The following RNF31 variants were observed in gnomAD, a reference collection of about 807,000 sequenced individuals.
The protein encoded by RNF31 is E3 ubiquitin-protein ligase RNF31.
Under a neutral mutation model 133.6 loss-of-function variants are expected in RNF31, and 38 were observed. That is an observed-to-expected ratio of 0.28 (90% CI 0.22 to 0.37). The LOEUF is 0.37. Ranked by LOEUF, RNF31 falls within the 10% of genes least tolerant of loss-of-function variation. The pLI is 1.00. For missense variants in RNF31, 1,118 were observed against 1,394.1 expected (o/e 0.80, Z 3.15); for synonymous variants, 582 against 552.3 (o/e 1.05, Z -0.75).
intron 18 of RNF31, among the ~76,000 whole-genome samples, chr14:24,159,217 G>T (rs1479976579): frequency 1.3e-5 from 2 of 151,316 alleles, no homozygotes; most frequent in Non-Finnish European, 2.9e-5. Flanking sequence ...TGTGGTGGCA[G>T]GCACCTGTAA....
intron 11 of RNF31, 86 bp downstream of exon 11, chr14:24,152,078 G>GTCTTCTGC: frequency 7.3e-7 from 1 of 1,372,576 alleles, no homozygotes; most frequent in Non-Finnish European, 9.9e-7. Context: ...CTCTGATCCT[G>GTCTTCTGC]TCTTCTGCTC....
Position 24,155,362 on chromosome 14 carries a change from T to C in RNF31, c.2304+32T>C. On this transcript the variant is annotated intron_variant, in intron 12 of 20. Coordinates refer to ENST00000324103, the MANE Select transcript of RNF31 (RefSeq NM_017999.5). The surrounding 1 kb of genome is among the most constrained non-coding windows in gnomAD (Gnocchi z 4.9). ...CAGCCCCTCTAGGACTCAGGTACCC[T>C]GAGCTTTGAACAGGGACCCTCCCAC... 6.2e-7 allele frequency: 1 copy of C among 1,613,676 alleles called. No individual in the cohort carries two copies.
chr14:24,147,690 T>G lies in RNF31; in HGVS notation c.-9T>G. ...GGGCGGCGAGGCTGGGGCTGACTCC[T>G]GCCTCAGGATGCCGGGGGAGGAAGA... On this transcript the variant is annotated 5_prime_UTR_variant, in exon 1 of 21. Coordinates refer to ENST00000324103, the MANE Select transcript of RNF31 (RefSeq NM_017999.5). The G allele has an allele frequency of 6.7e-7, 1 of 1,488,336 alleles. No homozygotes were observed. The highest frequency in any genetic ancestry group is 8.9e-7 in the Non-Finnish European group (1 of 1,124,778). 92.2% of individuals were successfully genotyped at this position (1,488,336 alleles called of 1,614,324 possible).
In RNF31 at chr14:24,160,491, A is replaced by C; in HGVS notation, c.3166-29A>C. Reference sequence around the variant, plus strand: ...ACTGTGTCTGAGCTCCAGGCTTCCAATATCATTACCTTCTCTCTCCTTCTG... The same window carrying C: ...ACTGTGTCTGAGCTCCAGGCTTCCACTATCATTACCTTCTCTCTCCTTCTG... On this transcript the variant is annotated intron_variant, in intron 20 of 20. Transcript: ENST00000324103. The surrounding 1 kb of genome is among the most constrained non-coding windows in gnomAD (Gnocchi z 4.0). 1 of 1,567,720 alleles carries C rather than the reference A, an allele frequency of 6.4e-7. No homozygotes were observed. The highest frequency in any genetic ancestry group is 1.4e-5 in the African/African-American group (1 of 73,536).
chr14:24,157,334 C>G lies in RNF31; in HGVS notation c.2538C>G (p.Asn846Lys), dbSNP rs963311087. The change falls in exon 15 of 21, where the codon AAC becomes AAG. Residue 846 changes from asparagine to lysine, a missense_variant. Asn to Lys is a moderately conservative substitution (Grantham distance 94, BLOSUM62 0). Coordinates refer to ENST00000324103, the MANE Select transcript of RNF31 (RefSeq NM_017999.5). ...HRGRSCEDFQ[N>K]WKRMNDPEYQ... is the part of the protein sequence containing the mutation. ...GTCGGAGCTGTGAGGACTTCCAGAA[C>G]TGGAAACGCATGAACGACCCAGAAT... is the stretch of plus-strand genomic sequence containing the variant. 6.2e-7 allele frequency: 1 copy of G among 1,612,704 alleles called. No individual in the cohort carries two copies. Among genetic ancestry groups the G allele is most frequent in the Non-Finnish European group, 8.5e-7 (1 of 1,178,882 alleles).
At chr14:24,146,949 G>A (rs115031740), upstream of RNF31, 3,187 of 299,520 alleles carry the variant, frequency 0.011, 89 homozygotes, top group African/African-American at 0.064. Context: ...ATTCAGTGGC[G>A]GGGCTCCCCC....
In RNF31 at chr14:24,150,745, G is replaced by T; in HGVS notation, c.1345G>T (p.Ala449Ser). The T allele has an allele frequency of 6.2e-7, 1 of 1,611,978 alleles. No homozygotes were observed. The highest frequency in any genetic ancestry group is 1.7e-5 in the Admixed American group (1 of 59,824). Reference protein sequence around the residue: ...IPAQHAPRPYASSLEKGPPKP... With the variant: ...IPAQHAPRPYSSSLEKGPPKP... Reference sequence around the variant, plus strand: ...AGCACAACATGCCCCCCGGCCCTATGCCAGCTCTTTGGAAAAGGGACCCCC... The same window carrying T: ...AGCACAACATGCCCCCCGGCCCTATTCCAGCTCTTTGGAAAAGGGACCCCC... The change falls in exon 8 of 21, where the codon GCC becomes TCC. Residue 449 changes from alanine (A) to serine (S), a missense_variant. Transcript: ENST00000324103.
intron 14 of RNF31, among the ~76,000 whole-genome samples, chr14:24,156,420 C>T (rs1353555090): frequency 2.0e-5 from 3 of 152,234 alleles, no homozygotes; most frequent in Non-Finnish European, 4.4e-5. Flanking sequence ...TCCCTCGCCT[C>T]AGCCTTCCAA....
chr14:24,157,865 C>T (rs1327282982), intron 16 of RNF31, 33 bp from the exon 17 acceptor site: 1 of 1,585,378 alleles, frequency 6.3e-7, no homozygotes, highest in Non-Finnish European at 8.7e-7. Flanking sequence ...CAACAGTCTC[C>T]AACTTCCTCT....
In RNF31 at chr14:24,147,645, T is replaced by C. The variant is rs1409042792; in HGVS notation, c.-54T>C. 30 of 1,348,580 alleles carry C rather than the reference T, an allele frequency of 2.2e-5. No individual in the cohort carries two copies. The highest frequency in any genetic ancestry group is 2.8e-5 in the Non-Finnish European group (30 of 1,053,070). 83.5% of individuals were successfully genotyped at this position (1,348,580 alleles called of 1,614,324 possible). On this transcript the variant is annotated 5_prime_UTR_variant, in exon 1 of 21. Transcript: ENST00000324103. ...GAGGGGCGGCGCTCGGGCCGCGCGC[T>C]GCCCGCGCCGGGTCCTGGCGGGCGG...
At chr14:24,154,018 C>T (rs987923625) in intron 11 of RNF31, among the ~76,000 whole-genome samples, 4 of 151,966 alleles carry the variant, frequency 2.6e-5, no homozygotes, top group Non-Finnish European at 4.4e-5. Context: ...TTTTTTGAGA[C>T]GGAGTCTCGC....
At position 24,155,178 on chromosome 14, in the gene RNF31, G is replaced by A; in HGVS notation, c.2152G>A (p.Glu718Lys). Residue 718 changes from glutamate to lysine, a missense_variant, in exon 12 of 21, where the codon GAG becomes AAG. Transcript: ENST00000324103. This position sits in a 1 kb window ranked among gnomAD's most constrained non-coding sequence, Gnocchi z 4.9. ...CCAGATGCAGGCCCTGACTTCCTGT[G>A]AGTGCACCATCTGTCCTGACTGCTT... Reference protein sequence around the residue: ...HNRMQALTSCECTICPDCFRQ... With the variant: ...HNRMQALTSCKCTICPDCFRQ... 1 of 1,614,004 alleles carries A rather than the reference G, an allele frequency of 6.2e-7. No individual in the cohort carries two copies. The highest frequency in any genetic ancestry group is 1.6e-4 in the Middle Eastern group (1 of 6,062).
intron 14 of RNF31, among the ~76,000 whole-genome samples, chr14:24,156,760 C>T (rs1555348197): frequency 6.7e-6 from 1 of 150,174 alleles, no homozygotes; most frequent in Non-Finnish European, 1.5e-5. Context: ...GCCTGGGTGA[C>T]AGAGCGAGAC....
rs768682849 is a variant in RNF31, at chr14:24,147,804, C to T, written c.106C>T (p.Pro36Ser). 1 of 1,599,742 alleles carries T rather than the reference C, an allele frequency of 6.3e-7. No individual in the cohort carries two copies. ...GQAFSLEQLR[P>S]LLASSLPLAA... The stretch of plus-strand genomic sequence containing the variant: ...GGCGTTTTCCCTGGAGCAGCTCCGG[C>T]CGCTACTAGCCAGCTCTCTGCCGCT... Residue 36 changes from proline (P) to serine (S), a missense_variant, in exon 1 of 21, where the codon CCG (proline) becomes TCG (serine). Physicochemically the swap from Pro to Ser is moderately conservative, Grantham distance 74 (BLOSUM62 -1). Around this residue, in one of 3 missense-constraint regions of RNF31, gnomAD observed 747 missense variants for 827.9 expected, o/e 0.90. Transcript: ENST00000324103.
chr14:24,158,285 G>T, intron 18 of RNF31, 86 bp downstream of exon 18: 2 of 1,323,880 alleles, frequency 1.5e-6, no homozygotes, highest in Non-Finnish European at 2.1e-6. Flanking sequence ...CTTGGGTCTG[G>T]GGTCACTTGT....
intron 5 of RNF31, 189 bp from the exon 6 acceptor site, chr14:24,149,217 C>T: frequency 1.6e-6 from 1 of 633,344 alleles, no homozygotes; most frequent in Middle Eastern, 4.3e-4. Flanking sequence ...CCCACCTCAG[C>T]CTCCCAAAGT....
chr14:24,149,548 G>A lies in RNF31; in HGVS notation c.774G>A (p.Leu258=), dbSNP rs781405878. The A allele has an allele frequency of 1.9e-6, 3 of 1,614,080 alleles. No homozygotes were observed. The highest frequency in any genetic ancestry group is 2.2e-5 in the South Asian group (2 of 91,072). The part of the protein sequence containing the change: ...PSRAHHLRQT[L]PGVLQGTHLS... ...GTGCTCATCACCTCCGCCAGACCCT[G>A]CCTGGGGTCCTGCAGGGTACCCACC... Residue 258 remains leucine (L), a synonymous_variant, in exon 6 of 21, where the codon CTG becomes CTA. Transcript: ENST00000324103.
At chr14:24,150,509 T>C in intron 7 of RNF31, 61 bp downstream of exon 7, 1 of 1,576,394 alleles carries the variant, frequency 6.3e-7, no homozygotes. Flanking sequence ...CCCTATCCCA[T>C]GTTTTCCTTC....
chr14:24,147,858 G>A lies in RNF31; in HGVS notation c.160G>A (p.Ala54Thr), dbSNP rs777402770. Residue 54 changes from alanine to threonine, a missense_variant, in exon 1 of 21, where the codon GCA becomes ACA. Coordinates refer to ENST00000324103, the MANE Select transcript of RNF31 (RefSeq NM_017999.5). Reference protein sequence around the residue: ...LAARYLQLDAARLVRCNAHGE... With the variant: ...LAARYLQLDATRLVRCNAHGE... ...CGCCCGCTACCTGCAGCTGGACGCC[G>A]CACGCCTTGTCCGCTGCAACGCTCA... 6.2e-7 allele frequency: 1 copy of A among 1,610,188 alleles called. No homozygotes were observed. The highest frequency in any genetic ancestry group is 1.1e-5 in the South Asian group (1 of 90,960).
Sources: gnomAD v4.1 joint callset for allele counts (sites outside exome capture counted in the v4.1 genomes callset) on GRCh38, gnomAD v4.1.1 for gene constraint, gnomAD v4.1.1 regional missense constraint, Gnocchi (gnomAD v3.1) non-coding constraint, MANE v1.5 for transcripts, NCBI Gene and HGNC (gene_info 2026-07-23, HGNC 2026-07-21) for gene names.